BCL2L11: variants seen among roughly 807,000 people sequenced by gnomAD.
BCL2L11 encodes BCL2 like 11, also known as bcl-2-like protein 11.
In BCL2L11, 15 loss-of-function variants were observed where a neutral mutation model predicts 20.6. That is an observed-to-expected ratio of 0.73 (90% CI 0.49 to 1.12). The LOEUF (loss-of-function observed/expected upper bound fraction) is 1.12. Among genes scored for constraint, BCL2L11 ranks in the 50% most tolerant of loss-of-function variants. BCL2L11 has a pLI of 0.00. For synonymous variants in BCL2L11, 108 were observed against 92.8 expected (o/e 1.16, Z -0.94); for missense variants, 292 against 260.9 (o/e 1.12, Z -0.82).
At chr2:111,150,296 T>G (rs767207357) in intron 3 of BCL2L11, 149 bp downstream of exon 3, 5 of 1,447,834 alleles carry the variant, frequency 3.5e-6, no homozygotes, top group South Asian at 1.2e-5. Context: ...GTTTCTCCTT[T>G]CCCATTTTTC....
intron 3 of BCL2L11, among the ~76,000 whole-genome samples, chr2:111,152,895 A>G (rs965718202): frequency 6.6e-6 from 1 of 152,224 alleles, no homozygotes; most frequent in Admixed American, 6.5e-5. Flanking sequence ...AGTATTTACA[A>G]GGTTTTGTCA....
At chr2:111,122,049 G>A (rs2071105152) in intron 1 of BCL2L11, among the ~76,000 whole-genome samples, 1 of 152,246 alleles carries the variant, frequency 6.6e-6, no homozygotes, top group Non-Finnish European at 1.5e-5. Flanking sequence ...GGACGCCAGG[G>A]CGGAGGGTGT....
In BCL2L11 at chr2:111,166,843, C is replaced by T. The variant is rs1334558918; in HGVS notation, c.*2612C>T. On this transcript the variant is annotated 3_prime_UTR_variant, in exon 4 of 4. Transcript: ENST00000393256. ...AATATAGTGGAATACAATTGTCTGC[C>T]GTTTCCCCTTCTTAATGTATATATT... The T allele has an allele frequency of 6.6e-6, 1 of 152,454 alleles. No individual in the cohort carries two copies. The highest frequency in any genetic ancestry group is 1.5e-5 in the Non-Finnish European group (1 of 68,014). The allele number at this position is 152,454 out of a possible 1,614,324, so 9.4% of individuals were successfully genotyped here. A position where few individuals can be genotyped will look rare whatever the true frequency, so the allele number is the denominator to read the frequency against.
At chr2:111,121,853 C>T (rs1361039550) in intron 1 of BCL2L11, among the ~76,000 whole-genome samples, 1 of 152,228 alleles carries the variant, frequency 6.6e-6, no homozygotes, top group Admixed American at 6.5e-5. Context: ...AGGTCCTCCC[C>T]TGACCACCTG....
intron 3 of BCL2L11, among the ~76,000 whole-genome samples, 162 bp from the exon 4 acceptor site, chr2:111,163,971 C>T (rs1233441114): frequency 2.1e-5 from 3 of 145,832 alleles, no homozygotes; most frequent in East Asian, 4.3e-4. Context: ...AAGTTTTCTT[C>T]ACAATCTCTG....
chr2:111,157,966 A>AGCAG (rs2078076044), intron 3 of BCL2L11, among the ~76,000 whole-genome samples: 1 of 152,308 alleles, frequency 6.6e-6, no homozygotes, highest in South Asian at 2.1e-4. Context: ...ATCAAAGTGC[A>AGCAG]GCAGGCACAA....
At chr2:111,160,611 G>A (rs1205622171) in intron 3 of BCL2L11, among the ~76,000 whole-genome samples, 1 of 152,212 alleles carries the variant, frequency 6.6e-6, no homozygotes, top group Non-Finnish European at 1.5e-5. Context: ...AGGCTATGGA[G>A]ATTACAGTAC....
chr2:111,128,595 T>C (rs759955421), intron 2 of BCL2L11: 150 of 1,498,852 alleles, frequency 1.0e-4, no homozygotes, highest in Non-Finnish European at 1.4e-5. Context: ...TCCACATACT[T>C]ACCAACACTT....
chr2:111,124,542 A>AG (rs1553486196), intron 2 of BCL2L11, among the ~76,000 whole-genome samples: 1 of 152,180 alleles, frequency 6.6e-6, no homozygotes, highest in Non-Finnish European at 1.5e-5. Flanking sequence ...TGCCTGTCTC[A>AG]GCCTCCCAAA....
intron 3 of BCL2L11, among the ~76,000 whole-genome samples, chr2:111,160,436 G>T (rs1047736536): frequency 6.6e-6 from 1 of 152,230 alleles, no homozygotes; most frequent in African/African-American, 2.4e-5. Context: ...CAGCAACAGG[G>T]CCACTGGAGC....
chr2:111,146,465 G>A (rs2150456746), intron 2 of BCL2L11, among the ~76,000 whole-genome samples: 1 of 152,318 alleles, frequency 6.6e-6, no homozygotes, highest in South Asian at 2.1e-4. Flanking sequence ...AGGAGTGAGG[G>A]TGGAGCAGCG....
chr2:111,164,819 T>A lies in BCL2L11; in HGVS notation c.*588T>A, dbSNP rs1194994031. On this transcript the variant is annotated 3_prime_UTR_variant, in exon 4 of 4. Transcript: ENST00000393256. The stretch of plus-strand genomic sequence containing the variant: ...TTATTTTTAATACCAAAAGAGTTCT[T>A]TTGAAATGGAACTGATTAAAAGGGC... 6.5e-6 allele frequency: 1 copy of A among 152,790 alleles called. No homozygotes were observed. Among genetic ancestry groups the A allele is most frequent in the Non-Finnish European group, 1.5e-5 (1 of 68,120 alleles). The allele number at this position is 152,790 out of a possible 1,614,324, so 9.5% of individuals were successfully genotyped here. A position where few individuals can be genotyped will look rare whatever the true frequency, so the allele number is the denominator to read the frequency against.
At chr2:111,142,471 T>C in intron 2 of BCL2L11, 1 of 1,114,324 alleles carries the variant, frequency 9.0e-7, no homozygotes, top group Non-Finnish European at 1.3e-6. Flanking sequence ...GAAGCTTTCA[T>C]TATGTCTTAG....
At chr2:111,146,731 C>A (rs1575108405) in intron 2 of BCL2L11, among the ~76,000 whole-genome samples, 1 of 152,120 alleles carries the variant, frequency 6.6e-6, no homozygotes, top group Non-Finnish European at 1.5e-5. Flanking sequence ...TTTCTCTATC[C>A]CCATAGAAGA....
chr2:111,159,149 C>A (rs985727529), intron 3 of BCL2L11, among the ~76,000 whole-genome samples: 2 of 152,162 alleles, frequency 1.3e-5, no homozygotes, highest in Non-Finnish European at 2.9e-5. Context: ...AGCAGAGGCA[C>A]AGGCACAGGC....
chr2:111,160,973 T>A (rs2078476399), intron 3 of BCL2L11, among the ~76,000 whole-genome samples: 1 of 152,192 alleles, frequency 6.6e-6, no homozygotes, highest in South Asian at 2.1e-4. Flanking sequence ...TTTTTCTTAG[T>A]TCTGGAGGCT....
intron 3 of BCL2L11, among the ~76,000 whole-genome samples, chr2:111,152,546 A>G (rs896878431): frequency 6.6e-6 from 1 of 152,238 alleles, no homozygotes; most frequent in African/African-American, 2.4e-5. Flanking sequence ...CATGGCTGCC[A>G]TGAGTGGTCA....
intron 3 of BCL2L11, chr2:111,153,852 G>T: frequency 6.4e-7 from 1 of 1,551,566 alleles, no homozygotes; most frequent in South Asian, 1.2e-5. Context: ...GGAAGCGTTT[G>T]AGACGGAGCT....
At chr2:111,126,779 A>G (rs1051540631) in intron 2 of BCL2L11, among the ~76,000 whole-genome samples, 6 of 152,184 alleles carry the variant, frequency 3.9e-5, no homozygotes, top group Non-Finnish European at 8.8e-5. Context: ...CATTTTCCAC[A>G]AAGAAGTCAT....
Sources: gnomAD v4.1 joint callset for allele counts (sites outside exome capture counted in the v4.1 genomes callset) on GRCh38, gnomAD v4.1.1 for gene constraint, MANE v1.5 for transcripts, NCBI Gene and HGNC (gene_info 2026-07-23, HGNC 2026-07-21) for gene names.